GOLGA8M: variants seen among roughly 807,000 people sequenced by gnomAD.
The protein encoded by GOLGA8M is golgin subfamily A member 8M.
Under a neutral mutation model 87.7 loss-of-function variants are expected in GOLGA8M, and 34 were observed. The ratio of observed to expected loss-of-function variants is 0.39; its 90% CI spans 0.29 to 0.52. The LOEUF is 0.52. Among genes scored for constraint, GOLGA8M ranks in the 20% least tolerant of loss-of-function variants. The pLI is 0.80. For synonymous variants in GOLGA8M, 138 were observed against 250.2 expected (o/e 0.55, Z 4.23); for missense variants, 396 against 682.2 (o/e 0.58, Z 4.67).
At chr15:28,704,060 C>T in intron 13 of GOLGA8M, 143 bp from the exon 14 acceptor site, 1 of 1,537,062 alleles carries the variant, frequency 6.5e-7, no homozygotes. Context: ...AAGCTTCCTG[C>T]TACTGCAGCT....
rs565944771 is a variant in GOLGA8M, at chr15:28,703,089, C to G, written c.1368+230G>C. The G allele has an allele frequency of 8.8e-4, 630 of 719,950 alleles. 16 individuals carry two copies. The highest frequency in any genetic ancestry group is 2.2e-3 in the South Asian group (30 of 13,430). 44.6% of individuals were successfully genotyped at this position (719,950 alleles called of 1,614,324 possible). A position where few individuals can be genotyped will look rare whatever the true frequency, so the allele number is the denominator to read the frequency against. ...CTGAGGGCAAGATGTGAGCATTCTT[C>G]TAGGGGCATACACAGAACAAATGGG... On this transcript the variant is annotated intron_variant, in intron 15 of 18. Coordinates refer to ENST00000563027, the MANE Select transcript of GOLGA8M (RefSeq NM_001282468.3).
chr15:28,712,988 A>G (rs546043185), upstream of GOLGA8M, among the ~76,000 whole-genome samples: 12 of 148,250 alleles, frequency 8.1e-5, no homozygotes, highest in South Asian at 2.3e-3. Context: ...TTATTCTCCT[A>G]TGTTTTCGTT....
At chr15:28,708,773 T>C (rs71470872) in intron 4 of GOLGA8M, among the ~76,000 whole-genome samples, 44 of 152,146 alleles carry the variant, frequency 2.9e-4, no homozygotes, top group African/African-American at 1.0e-3. Flanking sequence ...TACGGTTCTT[T>C]ACAGCAGATA....
At position 28,703,912 on chromosome 15, in the gene GOLGA8M, G is replaced by C; in HGVS notation, c.1206C>G (p.His402Gln). Residue 402 changes from histidine (H) to glutamine (Q), a missense_variant, in exon 14 of 19, where the codon CAC (histidine) becomes CAG (glutamine). His to Gln is a conservative substitution (Grantham distance 24). Around this residue, in one of 12 missense-constraint regions of GOLGA8M, gnomAD observed 44 missense variants for 46.7 expected, o/e 0.94. Transcript: ENST00000563027. Reference sequence around the variant, plus strand: ...GGTTCTGCTGGCTGGCAGCTTCCAGGTGCTCCTAAGGGGCCAGGAAAGAGT... The same window carrying C: ...GGTTCTGCTGGCTGGCAGCTTCCAGCTGCTCCTAAGGGGCCAGGAAAGAGT... Reference protein sequence around the residue: ...KELQEKLGEEHLEAASQQNQQ... With the variant: ...KELQEKLGEEQLEAASQQNQQ... 1 of 1,580,686 alleles carries C rather than the reference G, an allele frequency of 6.3e-7. No individual in the cohort carries two copies. The highest frequency in any genetic ancestry group is 8.5e-7 in the Non-Finnish European group (1 of 1,175,152).
chr15:28,706,735 A>C (rs2140929928), intron 8 of GOLGA8M, 36 bp from the exon 9 acceptor site: 1 of 1,445,070 alleles, frequency 6.9e-7, no homozygotes, highest in East Asian at 2.6e-5. Context: ...CAATCTGGAG[A>C]GCCTGGGCAT....
chr15:28,702,569 G>C lies in GOLGA8M; in HGVS notation c.1470-7C>G, dbSNP rs760351670. 1.9e-6 allele frequency: 3 copies of C among 1,608,060 alleles called. No individual in the cohort carries two copies. In the African/African-American group the frequency reaches 4.0e-5, roughly 22 times the overall value. On this transcript the variant is annotated splice_polypyrimidine_tract_variant and splice_region_variant and intron_variant, in intron 16 of 18. Transcript: ENST00000563027. ...TAAAAGGTGATGGATTTTCCTGCGG[G>C]AGGACGGGGCTCAGACGCTGGGGCC...
At chr15:28,704,685 C>A (rs1415010386) in intron 13 of GOLGA8M, among the ~76,000 whole-genome samples, 1 of 142,630 alleles carries the variant, frequency 7.0e-6, no homozygotes, top group Non-Finnish European at 1.5e-5. Context: ...TGAAGCAATT[C>A]TCATGCCTCA....
Position 28,702,292 on chromosome 15 carries a change from C to G in GOLGA8M, c.1645G>C (p.Ala549Pro), listed in dbSNP as rs769894259. 6.5e-7 allele frequency: 1 copy of G among 1,541,680 alleles called. No individual in the cohort carries two copies. The highest frequency in any genetic ancestry group is 2.4e-5 in the East Asian group (1 of 40,904). Reference sequence around the variant, plus strand: ...GGCTCATCAGCAGAGTTGTGGGCAGCGGCCAGGAATTTTCTGTGCCCATTG... The same window carrying G: ...GGCTCATCAGCAGAGTTGTGGGCAGGGGCCAGGAATTTTCTGTGCCCATTG... Reference protein sequence around the residue: ...YNNGHRKFLAAAHNSADEPGP... With the variant: ...YNNGHRKFLAPAHNSADEPGP... The change falls in exon 18 of 19, where the codon GCT (alanine) becomes CCT (proline). Residue 549 changes from alanine (A) to proline (P), a missense_variant. By Grantham distance (27) the Ala-to-Pro change is conservative (BLOSUM62 -1). This residue lies in a region of GOLGA8M where 173 missense variants were observed against 150.2 expected (regional missense o/e 1.15). Coordinates refer to ENST00000563027, the MANE Select transcript of GOLGA8M (RefSeq NM_001282468.3).
intron 8 of GOLGA8M, 38 bp from the exon 9 acceptor site, chr15:28,706,737 C>A (rs765102946): frequency 4.9e-6 from 7 of 1,442,666 alleles, no homozygotes; most frequent in South Asian, 1.2e-5. Context: ...ATCTGGAGAG[C>A]CTGGGCATTT....
Position 28,703,877 on chromosome 15 carries a change from G to T in GOLGA8M, c.1241C>A (p.Thr414Lys). 1 of 1,581,220 alleles carries T rather than the reference G, an allele frequency of 6.3e-7. No individual in the cohort carries two copies. The highest frequency in any genetic ancestry group is 8.5e-7 in the Non-Finnish European group (1 of 1,175,700). The part of the protein sequence containing the change: ...EAASQQNQQL[T>K]AQLSLMALPG... The stretch of plus-strand genomic sequence containing the variant: ...GAGAGCCATGAGGCTCAGCTGGGCC[G>T]TTAGCTGCTGGTTCTGCTGGCTGGC... The change falls in exon 14 of 19, where the codon ACG becomes AAG. Residue 414 changes from threonine (T) to lysine (K), a missense_variant. By Grantham distance (78) the Thr-to-Lys change is moderately conservative (BLOSUM62 -1). Around this residue, in one of 12 missense-constraint regions of GOLGA8M, gnomAD observed 44 missense variants for 46.7 expected, o/e 0.94. Coordinates refer to ENST00000563027, the MANE Select transcript of GOLGA8M (RefSeq NM_001282468.3).
chr15:28,702,350 T>G lies in GOLGA8M; in HGVS notation c.1587A>C (p.Ala529=). The G allele has an allele frequency of 6.5e-7, 1 of 1,528,098 alleles. No homozygotes were observed. Among genetic ancestry groups the G allele is most frequent in the African/African-American group, 1.4e-5 (1 of 69,232 alleles). The allele number at this position is 1,528,098 out of a possible 1,614,324, so 94.7% of individuals were successfully genotyped here. Residue 529 remains alanine, a synonymous_variant, in exon 18 of 19, where the codon GCA becomes GCC. Coordinates refer to ENST00000563027, the MANE Select transcript of GOLGA8M (RefSeq NM_001282468.3). ...GGDEGEAAGA[A]ADGIAAYSNY... is the part of the protein sequence containing the mutation. ...TGCTGTAAGCCGCAATACCATCTGC[T>G]GCAGCTCCAGCAGCTTCACCTGGAG... is the stretch of plus-strand genomic sequence containing the variant.
intron 7 of GOLGA8M, 22 bp from the exon 8 acceptor site, chr15:28,707,879 G>A (rs767760904): frequency 6.3e-7 from 1 of 1,575,258 alleles, no homozygotes; most frequent in South Asian, 1.1e-5. Flanking sequence ...GAGTTGAGAT[G>A]GGGCCCAAAG....
intron 13 of GOLGA8M, among the ~76,000 whole-genome samples, chr15:28,704,475 G>A (rs2079942945): frequency 6.7e-6 from 1 of 148,958 alleles, no homozygotes; most frequent in African/African-American, 2.4e-5. Flanking sequence ...TAAGGAAAAT[G>A]CTAACTTCCC....
Position 28,708,056 on chromosome 15 carries a change from GC to G in GOLGA8M, c.397-20del, listed in dbSNP as rs1481137343. The G allele has an allele frequency of 1.2e-6, 2 of 1,605,596 alleles. No individual in the cohort carries two copies. The highest frequency in any genetic ancestry group is 4.6e-5 in the East Asian group (2 of 43,224). ...GTTGAACCTTTGGGAGAAAAGCCAA[GC>G]AAGTGCTGAAAGAGAAGGAAAGAAA... On this transcript the variant is annotated intron_variant, in intron 6 of 18. Transcript: ENST00000563027.
chr15:28,711,744 G>A (rs2080201887), intron 1 of GOLGA8M: 1 of 985,046 alleles, frequency 1.0e-6, no homozygotes, highest in South Asian at 4.7e-5. Context: ...CTGGTCGGGG[G>A]GAGGGACCAT....
At chr15:28,711,967 G>A in intron 1 of GOLGA8M, 1 of 984,762 alleles carries the variant, frequency 1.0e-6, no homozygotes, top group Non-Finnish European at 1.2e-6. Flanking sequence ...GCTCCTCAGA[G>A]ATGAGAGCCC....
At chr15:28,711,691 G>C in intron 1 of GOLGA8M, 1 of 984,616 alleles carries the variant, frequency 1.0e-6, no homozygotes, top group Non-Finnish European at 1.2e-6. Context: ...TGCAGTAACG[G>C]CAGTTACTAG....
Position 28,707,783 on chromosome 15 carries a change from C to A in GOLGA8M, c.556G>T (p.Asp186Tyr), listed in dbSNP as rs4079642. Residue 186 changes from aspartate to tyrosine, a missense_variant, in exon 8 of 19, where the codon GAT becomes TAT. Asp to Tyr is a radical substitution (Grantham distance 160). Coordinates refer to ENST00000563027, the MANE Select transcript of GOLGA8M (RefSeq NM_001282468.3). ...RKGELESVLS[D>Y]VMATQKKKAN... ...TTCTTCTTCTGTGTGGCCATGACAT[C>A]AGAGAGAACACTCTCTAACTCTCCT... 1 of 1,556,058 alleles carries A rather than the reference C, an allele frequency of 6.4e-7. No homozygotes were observed. Among genetic ancestry groups the A allele is most frequent in the South Asian group, 1.2e-5 (1 of 86,490 alleles).
chr15:28,708,823 G>T (rs1162991441), intron 4 of GOLGA8M, among the ~76,000 whole-genome samples: 1 of 151,448 alleles, frequency 6.6e-6, no homozygotes, highest in East Asian at 1.9e-4. Flanking sequence ...TAGCCCTGAG[G>T]TTTCCATTCT....
Sources: allele counts gnomAD v4.1 joint callset (sites outside exome capture counted in the v4.1 genomes callset), GRCh38; gene constraint gnomAD v4.1.1; regional missense constraint gnomAD v4.1.1; transcripts MANE v1.5; gene names NCBI Gene and HGNC (gene_info 2026-07-23, HGNC 2026-07-21).